Variants in CAMK2D observed in about 807,000 individuals in gnomAD.
CAMK2D encodes the protein calcium/calmodulin-dependent protein kinase type II subunit delta.
In CAMK2D, 37 loss-of-function variants were observed where a neutral mutation model predicts 84.0. The ratio of observed to expected loss-of-function variants is 0.44; its 90% confidence interval spans 0.34 to 0.58. The LOEUF is 0.58. Among genes scored for constraint, CAMK2D ranks in the 20% least tolerant of loss-of-function variants. The pLI, the probability that CAMK2D is intolerant of heterozygous loss-of-function variation, is 0.02. For missense variants in CAMK2D, 448 were observed against 652.5 expected (o/e 0.69, Z 3.41); for synonymous variants, 202 against 212.5 (o/e 0.95, Z 0.43).
At chr4:113,628,658 G>T (rs73843443) in intron 3 of CAMK2D, among the ~76,000 whole-genome samples, 1 of 151,970 alleles carries the variant, frequency 6.6e-6, no homozygotes, top group Admixed American at 6.6e-5. Flanking sequence ...GATGATGCAC[G>T]TAAATAAAAC....
rs561213719 is a variant in CAMK2D, at chr4:113,583,485, CTT to C, written c.275+25665_275+25666del. 2.2e-3 allele frequency among the ~76,000 whole-genome samples: 342 copies of C among 152,280 alleles called. 4 individuals carry two copies. Among genetic ancestry groups the C allele is most frequent in the Middle Eastern group, 3.4e-3 (1 of 294 alleles). ...ACTGTAGCAGCCTTATGAGTTGCAA[CTT>C]GGACTCAACTGGTAAAAATGGGTAA... is the stretch of plus-strand genomic sequence containing the variant. On this transcript the variant is annotated intron_variant, in intron 4 of 20. Transcript: ENST00000511664.
chr4:113,636,658 C>T (rs573635574), intron 3 of CAMK2D, among the ~76,000 whole-genome samples: 1 of 152,142 alleles, frequency 6.6e-6, no homozygotes, highest in African/African-American at 2.4e-5. Flanking sequence ...AGATAGATGG[C>T]CCCCTTGTCA....
At chr4:113,751,892 A>G (rs2099618204) in intron 2 of CAMK2D, among the ~76,000 whole-genome samples, 1 of 152,218 alleles carries the variant, frequency 6.6e-6, no homozygotes, top group Admixed American at 6.5e-5. Flanking sequence ...GTAAAATTAT[A>G]TACTAATATA....
At chr4:113,692,641 C>CATATTCATATATACATACAT in intron 2 of CAMK2D, among the ~76,000 whole-genome samples, 1 of 151,888 alleles carries the variant, frequency 6.6e-6, no homozygotes. Flanking sequence ...TTCATTCATA[C>CATATTCATATATACATACAT]ATATTCATAT....
At chr4:113,722,876 A>G (rs1292609758) in intron 2 of CAMK2D, among the ~76,000 whole-genome samples, 1 of 152,182 alleles carries the variant, frequency 6.6e-6, no homozygotes, top group Non-Finnish European at 1.5e-5. Context: ...CACCTTCACC[A>G]AAGCAGAGAT....
chr4:113,585,722 G>T (rs1473995386), intron 4 of CAMK2D, among the ~76,000 whole-genome samples: 1 of 120,872 alleles, frequency 8.3e-6, no homozygotes, highest in Non-Finnish European at 1.8e-5. Context: ...ATATCATATA[G>T]TATAGATAGT....
chr4:113,493,778 A>C (rs1385110348), intron 16 of CAMK2D, among the ~76,000 whole-genome samples: 3 of 151,572 alleles, frequency 2.0e-5, no homozygotes, highest in Non-Finnish European at 4.4e-5. Flanking sequence ...TTTCAGGTAC[A>C]CCAATCAGAC....
intron 8 of CAMK2D, among the ~76,000 whole-genome samples, chr4:113,528,279 T>C (rs768288779): frequency 6.6e-6 from 1 of 152,200 alleles, no homozygotes; most frequent in Non-Finnish European, 1.5e-5. Flanking sequence ...AAAAATCCTC[T>C]CTGCAGTCCC....
At chr4:113,639,080 C>CAAA (rs779226375) in intron 3 of CAMK2D, among the ~76,000 whole-genome samples, 1,453 of 127,304 alleles carry the variant, frequency 0.011, 24 homozygotes, top group African/African-American at 0.024. Context: ...TTGCCTCTAC[C>CAAA]AAAAAAAAAA....
At chr4:113,739,553 A>C (rs551600371) in intron 2 of CAMK2D, among the ~76,000 whole-genome samples, 2 of 152,334 alleles carry the variant, frequency 1.3e-5, no homozygotes, top group African/African-American at 4.8e-5. Context: ...AGTCTATGAT[A>C]CAAATAAAGC....
At chr4:113,727,693 T>C (rs564976108) in intron 2 of CAMK2D, among the ~76,000 whole-genome samples, 1 of 152,078 alleles carries the variant, frequency 6.6e-6, no homozygotes, top group Non-Finnish European at 1.5e-5. Flanking sequence ...ATATTTCTAC[T>C]CATCAAAAAA....
At chr4:113,659,215 C>A (rs1414740057) in intron 3 of CAMK2D, among the ~76,000 whole-genome samples, 1 of 152,138 alleles carries the variant, frequency 6.6e-6, no homozygotes. Context: ...ACAAACCAAA[C>A]CAAACCAAAA....
At chr4:113,531,808 C>T (rs1309503026) in intron 7 of CAMK2D, among the ~76,000 whole-genome samples, 2 of 152,020 alleles carry the variant, frequency 1.3e-5, no homozygotes, top group Non-Finnish European at 2.9e-5. Flanking sequence ...AGACATTCGA[C>T]TTAAGAAGGG....
At chr4:113,628,737 AT>A (rs2099077621) in intron 3 of CAMK2D, among the ~76,000 whole-genome samples, 1 of 151,980 alleles carries the variant, frequency 6.6e-6, no homozygotes, top group Admixed American at 6.6e-5. Flanking sequence ...GGTAAAGGTA[AT>A]TTTTTTTCCT....
chr4:113,656,000 T>C (rs1222764914), intron 3 of CAMK2D, among the ~76,000 whole-genome samples: 1 of 152,172 alleles, frequency 6.6e-6, no homozygotes, highest in Non-Finnish European at 1.5e-5. Flanking sequence ...TTTATTTCAA[T>C]ACCTGAAAGG....
At chr4:113,685,315 T>G (rs2099356777) in intron 2 of CAMK2D, among the ~76,000 whole-genome samples, 1 of 151,606 alleles carries the variant, frequency 6.6e-6, no homozygotes, top group Non-Finnish European at 1.5e-5. Flanking sequence ...CTCTGCTCAC[T>G]GCAGCCTCTG....
chr4:113,604,353 T>G (rs1299168108), intron 4 of CAMK2D, among the ~76,000 whole-genome samples: 2 of 152,206 alleles, frequency 1.3e-5, no homozygotes, highest in East Asian at 3.8e-4. Context: ...TCACGTAATT[T>G]TGAGAAATTA....
At chr4:113,571,316 A>G (rs1391905821) in intron 4 of CAMK2D, among the ~76,000 whole-genome samples, 1 of 152,068 alleles carries the variant, frequency 6.6e-6, no homozygotes, top group African/African-American at 2.4e-5. Context: ...TATAAAATCA[A>G]TACGTTGAAG....
intron 12 of CAMK2D, 78 bp from the exon 13 acceptor site, chr4:113,509,753 T>G: frequency 9.9e-7 from 1 of 1,008,256 alleles, no homozygotes; most frequent in Non-Finnish European, 1.6e-6. Flanking sequence ...GTCAGGTTAT[T>G]GTCTCCTTCT....
Sources: allele counts gnomAD v4.1 joint callset (sites outside exome capture counted in the v4.1 genomes callset), GRCh38; gene constraint gnomAD v4.1.1; transcripts MANE v1.5; gene names NCBI Gene and HGNC (gene_info 2026-07-23, HGNC 2026-07-21).